The following STK32A variants were observed in gnomAD, a reference collection of about 807,000 sequenced individuals.
STK32A encodes serine/threonine kinase 32A, also known as serine/threonine-protein kinase 32A.
STK32A carries 41 observed loss-of-function variants against 53.2 expected under a neutral mutation model. That is an observed-to-expected ratio of 0.77 (90% confidence interval 0.60 to 1.00). The LOEUF (loss-of-function observed/expected upper bound fraction) is 1.00, where lower values mean the gene tolerates loss of function less well. STK32A is among the 50% of genes least tolerant of loss of function. The pLI, the probability that STK32A is intolerant of heterozygous loss-of-function variation, is 0.00. For missense variants in STK32A, 458 were observed against 485.8 expected (o/e 0.94, Z 0.54); for synonymous variants, 166 against 162.8 (o/e 1.02, Z -0.15).
At chr5:147,397,882 GTA>G in the STK32A span, 1 of 1,525,700 alleles carries the variant, frequency 6.6e-7, no homozygotes, top group Non-Finnish European at 8.8e-7. Flanking sequence ...CACAGTAAGG[GTA>G]GAGAAAGAGG....
intron 10 of STK32A, among the ~76,000 whole-genome samples, chr5:147,373,522 T>C (rs1328546252): frequency 6.6e-6 from 1 of 152,188 alleles, no homozygotes; most frequent in African/African-American, 2.4e-5. Context: ...TATTTGCGAC[T>C]GAAGTTCTAG....
At chr5:147,344,618 A>G (rs147971046) in intron 6 of STK32A, among the ~76,000 whole-genome samples, 1 of 152,290 alleles carries the variant, frequency 6.6e-6, no homozygotes, top group East Asian at 1.9e-4. Context: ...TGTTGGGGGA[A>G]AAACAATTAC....
chr5:147,319,587 C>CAGAGCTATAAGA (rs748494860), intron 4 of STK32A, among the ~76,000 whole-genome samples: 1 of 152,024 alleles, frequency 6.6e-6, no homozygotes, highest in Non-Finnish European at 1.5e-5. Flanking sequence ...AAAATTATTC[C>CAGAGCTATAAGA]AGAGCTATAA....
At chr5:147,367,130 A>G (rs1472763846) in intron 8 of STK32A, among the ~76,000 whole-genome samples, 1 of 151,882 alleles carries the variant, frequency 6.6e-6, no homozygotes, top group Non-Finnish European at 1.5e-5. Context: ...CAATGGCCCA[A>G]TCTCGGCTCA....
chr5:147,266,261 A>T (rs927066000), intron 2 of STK32A, among the ~76,000 whole-genome samples: 16 of 152,158 alleles, frequency 1.1e-4, no homozygotes, highest in African/African-American at 3.6e-4. Flanking sequence ...GCAGTTCTTA[A>T]TGCTTTGAGC....
chr5:147,240,561 G>T (rs1361710913), intron 2 of STK32A, among the ~76,000 whole-genome samples: 1 of 152,154 alleles, frequency 6.6e-6, no homozygotes, highest in Admixed American at 6.5e-5. Context: ...CTTCAATTTT[G>T]TTATCAATAA....
At chr5:147,299,153 G>A (rs7713898) in intron 4 of STK32A, among the ~76,000 whole-genome samples, 15,500 of 152,206 alleles carry the variant, frequency 0.1, 860 homozygotes, top group Admixed American at 0.14. Context: ...CCTGAGGACT[G>A]CTGGTTGATC....
intron 2 of STK32A, among the ~76,000 whole-genome samples, chr5:147,258,675 T>A (rs1754348802): frequency 9.2e-6 from 1 of 108,638 alleles, no homozygotes; most frequent in African/African-American, 4.0e-5. Flanking sequence ...TTTACATAAA[T>A]TCTCCCTCTC....
chr5:147,239,751 A>T, intron 2 of STK32A, 65 bp downstream of exon 2: 1 of 1,213,140 alleles, frequency 8.2e-7, no homozygotes, highest in Non-Finnish European at 1.2e-6. Flanking sequence ...ATATGCTTCT[A>T]GTTTCATAAG....
intron 4 of STK32A, among the ~76,000 whole-genome samples, chr5:147,304,856 T>A (rs1002016510): frequency 2.0e-5 from 3 of 152,150 alleles, no homozygotes; most frequent in Non-Finnish European, 2.9e-5. Context: ...TGTGACCTTG[T>A]CCCAGTGTTT....
chr5:147,356,405 A>G (rs1177693550), intron 7 of STK32A, among the ~76,000 whole-genome samples: 2 of 152,208 alleles, frequency 1.3e-5, no homozygotes, highest in African/African-American at 4.8e-5. Flanking sequence ...AGTATATTGT[A>G]TATATAGTAC....
At chr5:147,250,185 AC>A (rs1422514892) in intron 2 of STK32A, among the ~76,000 whole-genome samples, 2 of 151,958 alleles carry the variant, frequency 1.3e-5, no homozygotes, top group Non-Finnish European at 2.9e-5. Flanking sequence ...GGGGTTTGGG[AC>A]CCTGCTCACA....
rs79658249 is a variant in STK32A at position 147,384,505 on chromosome 5, C to T, written c.*522C>T. 26,176 of 1,326,588 alleles carry T rather than the reference C, an allele frequency of 0.02. 397 individuals are homozygous for T. The highest frequency in any genetic ancestry group is 0.022 in the Non-Finnish European group (21,235 of 960,972). 82.2% of individuals were successfully genotyped at this position (1,326,588 alleles called of 1,614,324 possible). On this transcript the variant is annotated 3_prime_UTR_variant, in exon 13 of 13. Coordinates refer to ENST00000397936, the MANE Select transcript of STK32A (RefSeq NM_001112724.2). ...TCTATCAGGGAGGCATGAATGGAAT[C>T]AGATTAAAAGTAACAGAGATGGATG... is the stretch of plus-strand genomic sequence containing the variant.
chr5:147,299,762 C>T (rs1442470023), intron 4 of STK32A, among the ~76,000 whole-genome samples: 1 of 152,158 alleles, frequency 6.6e-6, no homozygotes, highest in African/African-American at 2.4e-5. Context: ...AAAGAAGAGG[C>T]AGTTTCTAAC....
chr5:147,395,550 C>G, the STK32A span: 1 of 1,606,990 alleles, frequency 6.2e-7, no homozygotes, highest in Non-Finnish European at 8.5e-7. Flanking sequence ...ATGAGCCTGT[C>G]CCACTCACCT....
At chr5:147,236,549 T>G (rs1753331559) in intron 1 of STK32A, among the ~76,000 whole-genome samples, 1 of 152,176 alleles carries the variant, frequency 6.6e-6, no homozygotes, top group Admixed American at 6.5e-5. Context: ...AAAATCTAAT[T>G]TGGTTATCCA....
chr5:147,363,068 A>C (rs1490623848), intron 8 of STK32A, among the ~76,000 whole-genome samples: 1 of 151,870 alleles, frequency 6.6e-6, no homozygotes, highest in Non-Finnish European at 1.5e-5. Flanking sequence ...CCTGAGCTAC[A>C]GAGTGAGACC....
At chr5:147,350,929 C>T (rs1356992145) in intron 6 of STK32A, 136 bp from the exon 7 acceptor site, 1 of 673,916 alleles carries the variant, frequency 1.5e-6, no homozygotes, top group Non-Finnish European at 2.7e-6. Flanking sequence ...GGTTTAAGAC[C>T]ATATCGGCCT....
intron 2 of STK32A, among the ~76,000 whole-genome samples, chr5:147,261,684 C>T (rs1408038650): frequency 6.6e-6 from 1 of 152,072 alleles, no homozygotes; most frequent in East Asian, 1.9e-4. Context: ...CTGAAGGAGG[C>T]TTATGCTTAG....
Sources: allele counts gnomAD v4.1 joint callset (sites outside exome capture counted in the v4.1 genomes callset), GRCh38; gene constraint gnomAD v4.1.1; transcripts MANE v1.5; gene names NCBI Gene and HGNC (gene_info 2026-07-23, HGNC 2026-07-21).